The following RANBP1 variants were observed in gnomAD, a reference collection of about 807,000 sequenced individuals.
The protein encoded by RANBP1 is RAN binding protein 1, also known as ran-specific GTPase-activating protein.
In RANBP1, 16 loss-of-function variants were observed where a neutral mutation model predicts 31.4. The ratio of observed to expected loss-of-function variants is 0.51; its 90% CI spans 0.34 to 0.77. The LOEUF is 0.77. RANBP1 is among the 30% of genes least tolerant of loss of function. The probability of loss-of-function intolerance (pLI) is 0.01; values close to 1 mark genes in which losing one functional copy is unlikely to be tolerated. For synonymous variants in RANBP1, 129 were observed against 140.5 expected, an observed-to-expected ratio of 0.92 and a Z score of 0.58; for missense variants, 265 against 362.0, an observed-to-expected ratio of 0.73 and a Z score of 2.17.
intron 4 of RANBP1, chr22:20,125,723 C>A: frequency 8.1e-7 from 1 of 1,232,494 alleles, no homozygotes; most frequent in Non-Finnish European, 1.1e-6. Context: ...GCTCCGGTTC[C>A]CATTAGTTGT....
chr22:20,118,046 A>G, intron 1 of RANBP1: 1 of 993,384 alleles, frequency 1.0e-6, no homozygotes, highest in Non-Finnish European at 1.2e-6. Context: ...TCCGTCGCCC[A>G]CGCAGCACTT....
chr22:20,126,853 G>T, intron 5 of RANBP1, 99 bp from the exon 6 acceptor site: 4 of 1,456,396 alleles, frequency 2.7e-6, no homozygotes, highest in Non-Finnish European at 3.8e-6. Flanking sequence ...CGGGCAAGCC[G>T]CTGTGGGTGG....
intron 1 of RANBP1, chr22:20,116,847 ATCCCCGTC>A: frequency 3.5e-6 from 2 of 578,664 alleles, no homozygotes; most frequent in East Asian, 6.0e-5. Flanking sequence ...CTCCCACCCC[ATCCCCGTC>A]TCTACCCAGC....
chr22:20,122,304 C>T lies in RANBP1; in HGVS notation c.424C>T (p.Pro142Ser). Residue 142 changes from proline to serine, a missense_variant, in exon 3 of 6, where the codon CCA becomes TCA. Physicochemically the swap from Pro to Ser is moderately conservative, Grantham distance 74. Around this residue, in one of 3 missense-constraint regions of RANBP1, gnomAD observed 90 missense variants for 190.5 expected, o/e 0.47. Coordinates refer to ENST00000430524, the MANE Select transcript of RANBP1 (RefSeq NM_001278639.2). ...CCGATTTGCCTCTGAGAACGATCTC[C>T]CAGAATGGAAGGAGCGAGGCACTGG... ...LFRFASENDL[P>S]EWKERGTGDV... is the part of the protein sequence containing the mutation. The T allele has an allele frequency of 6.2e-7, 1 of 1,613,228 alleles. No homozygotes were observed. The highest frequency in any genetic ancestry group is 1.7e-5 in the Admixed American group (1 of 60,000).
Position 20,116,248 on chromosome 22 carries a change from T to C in RANBP1, c.64T>C (p.Cys22Arg), listed in dbSNP as rs2050013922. The C allele has an allele frequency of 2.5e-6, 4 of 1,612,956 alleles. No homozygotes were observed. Among genetic ancestry groups the C allele is most frequent in the Non-Finnish European group, 2.5e-6 (3 of 1,180,012 alleles). Residue 22 changes from cysteine (C) to arginine (R), a missense_variant, in exon 1 of 6, where the codon TGC (cysteine) becomes CGC (arginine). By Grantham distance (180) the Cys-to-Arg change is radical. This residue lies in a region of RANBP1 where 126 missense variants were observed against 123.6 expected (regional missense o/e 1.02). Coordinates refer to ENST00000430524, the MANE Select transcript of RANBP1 (RefSeq NM_001278639.2). ...TGGGCGGCCTTTCCAGAGGGCACCA[T>C]GCAAAACGCGCAGGGCCTTGTCCCT... ...LSGRPFQRAPCKTRRALSLSA... is the reference protein window; with the variant it reads ...LSGRPFQRAPRKTRRALSLSA...
intron 3 of RANBP1, among the ~76,000 whole-genome samples, chr22:20,123,589 C>T (rs2050235574): frequency 6.6e-6 from 1 of 151,864 alleles, no homozygotes; most frequent in African/African-American, 2.4e-5. Context: ...GTGTTCTACC[C>T]TCACCAGGAT....
At chr22:20,118,427 T>C (rs1255142776) in intron 1 of RANBP1, 1 of 879,910 alleles carries the variant, frequency 1.1e-6, no homozygotes, top group African/African-American at 1.8e-5. Context: ...GTTATTAACT[T>C]AGTTTTCTGA....
At chr22:20,125,502 T>C (rs1041151668) in intron 4 of RANBP1, 66 bp downstream of exon 4, 24 of 1,552,968 alleles carry the variant, frequency 1.5e-5, no homozygotes, top group Admixed American at 9.7e-5. Context: ...TGGCGGGTTA[T>C]GTGCAACAAA....
At chr22:20,121,423 A>G (rs538390043) in intron 2 of RANBP1, among the ~76,000 whole-genome samples, 1 of 151,132 alleles carries the variant, frequency 6.6e-6, no homozygotes, top group Non-Finnish European at 1.5e-5. Flanking sequence ...CTAATTTTGT[A>G]TTTTTAGTAG....
intron 2 of RANBP1, among the ~76,000 whole-genome samples, chr22:20,120,918 T>C (rs759419900): frequency 2.5e-4 from 38 of 152,380 alleles, no homozygotes; most frequent in Admixed American, 6.5e-4. Context: ...CTGCACCTGA[T>C]CCATGTTGTC....
At chr22:20,121,940 T>C (rs965054276) in intron 2 of RANBP1, among the ~76,000 whole-genome samples, 2 of 152,066 alleles carry the variant, frequency 1.3e-5, no homozygotes, top group African/African-American at 4.8e-5. Context: ...GGTTTCACCA[T>C]GTTGGCCAGG....
At chr22:20,125,725 A>G in intron 4 of RANBP1, 19 of 1,224,528 alleles carry the variant, frequency 1.6e-5, no homozygotes, top group Admixed American at 3.3e-5. Flanking sequence ...TCCGGTTCCC[A>G]TTAGTTGTTG....
chr22:20,123,067 T>C (rs2050215369), intron 3 of RANBP1, among the ~76,000 whole-genome samples: 1 of 99,686 alleles, frequency 1.0e-5, no homozygotes, highest in Non-Finnish European at 2.0e-5. Context: ...GTCTGGTGTC[T>C]GGGTGTTTGG....
chr22:20,123,521 C>T (rs1408442428), intron 3 of RANBP1, among the ~76,000 whole-genome samples: 1 of 150,840 alleles, frequency 6.6e-6, no homozygotes, highest in African/African-American at 2.4e-5. Flanking sequence ...TGGGGGTGTT[C>T]GGGCAGTGTA....
chr22:20,117,034 C>T, intron 1 of RANBP1: 7 of 1,258,088 alleles, frequency 5.6e-6, no homozygotes, highest in Non-Finnish European at 7.7e-6. Context: ...CTCACAGAGC[C>T]GGTGCAACGC....
chr22:20,127,253 C>A lies in RANBP1; in HGVS notation c.*201C>A, dbSNP rs751546880. 9 of 416,414 alleles carry A rather than the reference C, an allele frequency of 2.2e-5. No homozygotes were observed. Among genetic ancestry groups the A allele is most frequent in the Admixed American group, 4.0e-5 (1 of 24,838 alleles). The allele number at this position is 416,414 out of a possible 1,614,324, so 25.8% of individuals were successfully genotyped here. On this transcript the variant is annotated 3_prime_UTR_variant, in exon 6 of 6. Coordinates refer to ENST00000430524, the MANE Select transcript of RANBP1 (RefSeq NM_001278639.2). ...TGAAGATGACTTCAGAAAATCCATT[C>A]CCCAGTCATGAAAATGTACTGTGCT... is the stretch of plus-strand genomic sequence containing the variant.
intron 3 of RANBP1, chr22:20,125,073 A>C (rs1042829358): frequency 1.2e-5 from 6 of 517,920 alleles, no homozygotes; most frequent in Non-Finnish European, 2.1e-5. Flanking sequence ...ACAGGTGCCC[A>C]TTCCTATTTA....
chr22:20,121,061 T>C (rs546987817), intron 2 of RANBP1, among the ~76,000 whole-genome samples: 16 of 151,456 alleles, frequency 1.1e-4, no homozygotes, highest in African/African-American at 3.6e-4. Flanking sequence ...TCAAGCAATT[T>C]TCCTGCCTCA....
At chr22:20,120,006 C>T (rs2050140201) in intron 2 of RANBP1, among the ~76,000 whole-genome samples, 1 of 152,218 alleles carries the variant, frequency 6.6e-6, no homozygotes, top group African/African-American at 2.4e-5. Context: ...GGCCTGTCGC[C>T]TACACTCAGG....
Sources: gnomAD v4.1 joint callset for allele counts (sites outside exome capture counted in the v4.1 genomes callset) on GRCh38, gnomAD v4.1.1 for gene constraint, gnomAD v4.1.1 regional missense constraint, MANE v1.5 for transcripts, NCBI Gene and HGNC (gene_info 2026-07-23, HGNC 2026-07-21) for gene names.